CSMD1: variants seen among roughly 807,000 people sequenced by gnomAD.
CSMD1 encodes the protein CUB and sushi domain-containing protein 1.
CSMD1 carries 213 observed loss-of-function variants against 417.5 expected under a neutral mutation model. That is an observed-to-expected ratio of 0.51 (90% CI 0.46 to 0.57). CSMD1 has a LOEUF of 0.57. Ranked by LOEUF, CSMD1 falls within the 20% of genes least tolerant of loss-of-function variation. CSMD1 has a pLI of 0.00. For missense variants in CSMD1, 6,923 were observed against 4,529.7 expected, an observed-to-expected ratio of 1.53 and a Z score of -15.17; for synonymous variants, 2,862 against 1,736.8, an observed-to-expected ratio of 1.65 and a Z score of -16.11.
intron 3 of CSMD1, among the ~76,000 whole-genome samples, chr8:4,150,382 C>T (rs527263198): frequency 2.0e-5 from 3 of 152,284 alleles, no homozygotes; most frequent in African/African-American, 7.2e-5. Context: ...TTGTGCCTGG[C>T]TACCTTTGGA....
chr8:4,419,875 G>T, intron 3 of CSMD1, 78 bp downstream of exon 3: 1 of 1,010,372 alleles, frequency 9.9e-7, no homozygotes, highest in Admixed American at 2.0e-5. Flanking sequence ...AGCCTAGTTT[G>T]TCATTATTAA....
rs546924278 is a variant in CSMD1, at chr8:3,413,526, G to C, written c.1562-3921C>G. On this transcript the variant is annotated intron_variant, in intron 12 of 69. Coordinates refer to ENST00000635120, the MANE Select transcript of CSMD1 (RefSeq NM_033225.6). ...GTCAAAGTAGCACGGTCCAAACTCA[G>C]TAGGTTTGTGTGTTTCACCTAGCTT... is the stretch of plus-strand genomic sequence containing the variant. 3.3e-5 allele frequency among the ~76,000 whole-genome samples: 5 copies of C among 152,334 alleles called. No homozygotes were observed. The South Asian group carries it at 8.3e-4, about 25-fold the overall frequency.
intron 1 of CSMD1, among the ~76,000 whole-genome samples, chr8:4,713,539 C>G (rs1314184725): frequency 6.6e-6 from 1 of 152,120 alleles, no homozygotes; most frequent in African/African-American, 2.4e-5. Context: ...GTAGCTGGGA[C>G]TACAGGCGGC....
At chr8:3,394,739 A>T (rs1400992061) in intron 17 of CSMD1, among the ~76,000 whole-genome samples, 1 of 152,180 alleles carries the variant, frequency 6.6e-6, no homozygotes, top group Non-Finnish European at 1.5e-5. Flanking sequence ...GAGAAGTGAC[A>T]ACTCGAATGG....
chr8:4,783,675 C>T (rs1032754277), intron 1 of CSMD1, among the ~76,000 whole-genome samples: 5 of 152,140 alleles, frequency 3.3e-5, no homozygotes, highest in African/African-American at 4.8e-5. Context: ...GAAGCCAGCC[C>T]GAAGCCTGTA....
chr8:4,977,257 C>G (rs1810612946), intron 1 of CSMD1, among the ~76,000 whole-genome samples: 1 of 152,158 alleles, frequency 6.6e-6, no homozygotes. Context: ...AAAACTCTTT[C>G]TGCAAAGGTA....
intron 12 of CSMD1, among the ~76,000 whole-genome samples, chr8:3,442,397 C>A (rs946226925): frequency 6.6e-6 from 1 of 152,194 alleles, no homozygotes; most frequent in Non-Finnish European, 1.5e-5. Flanking sequence ...TCCCATCCTG[C>A]AAGCTCTATT....
intron 3 of CSMD1, among the ~76,000 whole-genome samples, chr8:4,193,883 T>G (rs371268656): frequency 6.6e-6 from 1 of 151,822 alleles, no homozygotes; most frequent in South Asian, 2.1e-4. Context: ...TCAGCAGAAC[T>G]GGCCACCTCC....
At chr8:4,407,110 T>A (rs1354720788) in intron 3 of CSMD1, among the ~76,000 whole-genome samples, 1 of 152,164 alleles carries the variant, frequency 6.6e-6, no homozygotes, top group Non-Finnish European at 1.5e-5. Flanking sequence ...GCAGCAGAGT[T>A]GGGTAGTTAC....
intron 27 of CSMD1, among the ~76,000 whole-genome samples, chr8:3,229,165 C>T (rs976872138): frequency 1.6e-4 from 24 of 152,190 alleles, no homozygotes; most frequent in African/African-American, 5.8e-4. Context: ...AACCACAAAC[C>T]CCCTCAAGGT....
In CSMD1 at chr8:4,472,478, G is replaced by T. The variant is rs1475429838; in HGVS notation, c.303-52413C>A. Among the ~76,000 whole-genome samples, 5 of 151,802 alleles carry T rather than the reference G, an allele frequency of 3.3e-5. No homozygotes were observed. The East Asian group carries it at 9.7e-4, about 29-fold the overall frequency. On this transcript the variant is annotated intron_variant, in intron 2 of 69. Coordinates refer to ENST00000635120, the MANE Select transcript of CSMD1 (RefSeq NM_033225.6). ...TAATAACAGATGAATAAAATGAGAG[G>T]GACCCGGGGAACCTTATTTATGCTT...
chr8:4,248,381 T>C (rs1504766), intron 3 of CSMD1, among the ~76,000 whole-genome samples: 149,424 of 152,256 alleles, frequency 0.98, 73,380 homozygotes, highest in East Asian at 1. Context: ...TGAGTGCTGG[T>C]TTGCTGGTGA....
intron 1 of CSMD1, among the ~76,000 whole-genome samples, chr8:4,772,033 C>A (rs557317537): frequency 3.9e-5 from 6 of 152,292 alleles, no homozygotes; most frequent in Non-Finnish European, 8.8e-5. Flanking sequence ...AAAAGTCCCA[C>A]GTCGGTCTCA....
intron 12 of CSMD1, among the ~76,000 whole-genome samples, chr8:3,443,533 A>G (rs1815122217): frequency 6.6e-6 from 1 of 152,220 alleles, no homozygotes; most frequent in Non-Finnish European, 1.5e-5. Context: ...GAACCAGAAC[A>G]ATTCTACAAA....
intron 22 of CSMD1, among the ~76,000 whole-genome samples, chr8:3,344,888 A>C (rs778723269): frequency 6.6e-6 from 1 of 152,058 alleles, no homozygotes; most frequent in Non-Finnish European, 1.5e-5. Flanking sequence ...GATACTCTCT[A>C]ATCTCCTTAC....
chr8:3,528,501 A>C (rs144020844), intron 10 of CSMD1, among the ~76,000 whole-genome samples: 21 of 152,202 alleles, frequency 1.4e-4, no homozygotes, highest in Non-Finnish European at 2.6e-4. Flanking sequence ...TTCCTTAGGA[A>C]CCCTGTGGGC....
intron 3 of CSMD1, among the ~76,000 whole-genome samples, chr8:4,317,078 C>G (rs1798977503): frequency 6.6e-6 from 1 of 152,154 alleles, no homozygotes; most frequent in African/African-American, 2.4e-5. Flanking sequence ...TAATCAGCTA[C>G]TAGTGTTTAT....
chr8:4,523,982 C>G (rs1021236717), intron 2 of CSMD1, among the ~76,000 whole-genome samples: 2 of 152,048 alleles, frequency 1.3e-5, no homozygotes, highest in Admixed American at 6.6e-5. Context: ...CTACGCTCTC[C>G]TCAAATGGGT....
At chr8:4,306,778 C>A (rs370869417) in intron 3 of CSMD1, among the ~76,000 whole-genome samples, 2 of 152,096 alleles carry the variant, frequency 1.3e-5, no homozygotes, top group African/African-American at 2.4e-5. Context: ...GTCCACAGAT[C>A]AGCCCTTCTT....
Sources: allele counts gnomAD v4.1 joint callset (sites outside exome capture counted in the v4.1 genomes callset), GRCh38; gene constraint gnomAD v4.1.1; transcripts MANE v1.5; gene names NCBI Gene and HGNC (gene_info 2026-07-23, HGNC 2026-07-21).